The following PDE6D variants were observed in gnomAD, a reference collection of about 807,000 sequenced individuals.
PDE6D encodes the protein retinal rod rhodopsin-sensitive cGMP 3',5'-cyclic phosphodiesterase subunit delta.
In PDE6D, 10 loss-of-function variants were observed where a neutral mutation model predicts 21.9. The observed-to-expected ratio is 0.46, with a 90% confidence interval of 0.28 to 0.78. The LOEUF (loss-of-function observed/expected upper bound fraction) is 0.78. Ranked by LOEUF, PDE6D falls within the 30% of genes least tolerant of loss-of-function variation. PDE6D has a pLI of 0.12. For missense variants in PDE6D, 139 were observed against 184.8 expected, an observed-to-expected ratio of 0.75 and a Z score of 1.44; for synonymous variants, 59 against 63.5, an observed-to-expected ratio of 0.93 and a Z score of 0.34.
rs934767489 is a variant in PDE6D, at chr2:231,781,179, G to A, written c.-65C>T. The A allele has an allele frequency of 4.0e-5, 62 of 1,534,312 alleles. No individual in the cohort carries two copies. The highest frequency in any genetic ancestry group is 1.7e-4 in the Middle Eastern group (1 of 5,924). ...GGCGGAGCCTCGCAGACGGTGCCCA[G>A]GAGCCGAGGATGGAGCCGCAGCCCG... On this transcript the variant is annotated 5_prime_UTR_variant, in exon 1 of 5. Coordinates refer to ENST00000287600, the MANE Select transcript of PDE6D (RefSeq NM_002601.4).
At position 231,780,978 on chromosome 2, in the gene PDE6D, T is replaced by C; in HGVS notation, c.50+87A>G. The C allele has an allele frequency of 1.0e-5, 12 of 1,202,604 alleles. 1 individual carries two copies. The highest frequency in any genetic ancestry group is 1.3e-5 in the Non-Finnish European group (11 of 820,370). The allele number at this position is 1,202,604 out of a possible 1,614,324, so 74.5% of individuals were successfully genotyped here. A position where few individuals can be genotyped will look rare whatever the true frequency, so the allele number is the denominator to read the frequency against. ...CGGCCCTTCTTCTGTGGGGCCCACC[T>C]GGCGCGGCCCCCGCCCCCGGCCAGT... is the stretch of plus-strand genomic sequence containing the variant. On this transcript the variant is annotated intron_variant, in intron 1 of 4. Coordinates refer to ENST00000287600, the MANE Select transcript of PDE6D (RefSeq NM_002601.4).
intron 1 of PDE6D, among the ~76,000 whole-genome samples, chr2:231,750,385 T>C (rs1285645939): frequency 6.6e-6 from 1 of 152,090 alleles, no homozygotes; most frequent in Non-Finnish European, 1.5e-5. Flanking sequence ...ACAGGTGGTA[T>C]AGAGGGGGAC....
intron 1 of PDE6D, among the ~76,000 whole-genome samples, chr2:231,752,449 T>G (rs988079679): frequency 1.3e-5 from 2 of 152,216 alleles, no homozygotes; most frequent in Non-Finnish European, 2.9e-5. Context: ...TATAAGCAAG[T>G]GTAGGACATT....
At chr2:231,743,596 C>A (rs995000564) in intron 1 of PDE6D, among the ~76,000 whole-genome samples, 3 of 152,062 alleles carry the variant, frequency 2.0e-5, no homozygotes, top group African/African-American at 7.2e-5. Flanking sequence ...GTGTCATTCT[C>A]CCCTCAGGGT....
At chr2:231,780,990 C>A (rs2049116198) in intron 1 of PDE6D, 75 bp downstream of exon 1, 3 of 1,341,920 alleles carry the variant, frequency 2.2e-6, no homozygotes, top group East Asian at 2.4e-5. Flanking sequence ...GCGCGGCCCC[C>A]GCCCCCGGCC....
intron 1 of PDE6D, among the ~76,000 whole-genome samples, chr2:231,748,804 G>A (rs1479978205): frequency 1.3e-5 from 2 of 152,186 alleles, no homozygotes; most frequent in South Asian, 2.1e-4. Context: ...TGTACAGCTC[G>A]GGCTGTGGCT....
chr2:231,764,331 C>T (rs1012664052), intron 1 of PDE6D, among the ~76,000 whole-genome samples: 6 of 152,116 alleles, frequency 3.9e-5, no homozygotes, highest in Non-Finnish European at 7.4e-5. Context: ...GGCAAGATTG[C>T]ACCACTGCAC....
intron 1 of PDE6D, among the ~76,000 whole-genome samples, chr2:231,774,470 C>T (rs1365518931): frequency 6.6e-6 from 1 of 152,182 alleles, no homozygotes; most frequent in African/African-American, 2.4e-5. Flanking sequence ...GTGCTATATA[C>T]TCTACTGCAG....
intron 1 of PDE6D, among the ~76,000 whole-genome samples, chr2:231,750,108 C>G (rs1215965735): frequency 6.6e-6 from 1 of 152,066 alleles, no homozygotes; most frequent in Non-Finnish European, 1.5e-5. Context: ...ATAAGTCTCA[C>G]GAGATTTGAT....
At chr2:231,764,822 TTATC>T (rs2048957280) in intron 1 of PDE6D, among the ~76,000 whole-genome samples, 1 of 152,246 alleles carries the variant, frequency 6.6e-6, no homozygotes, top group South Asian at 2.1e-4. Context: ...ACTATATTAT[TTATC>T]TTTCTCTTCT....
rs75175390 is a variant in PDE6D, at chr2:231,739,701, G to A, written c.51-513C>T. On this transcript the variant is annotated intron_variant, in intron 1 of 4. Coordinates refer to ENST00000287600, the MANE Select transcript of PDE6D (RefSeq NM_002601.4). The surrounding 1 kb of genome is among the most constrained non-coding windows in gnomAD (Gnocchi z 4.2). ...GGCTGGAATGCAGTGGCACAATCTCGGCTCACTACAACCTTCATCTCCTTG... is the reference window on the plus strand; with the variant it reads ...GGCTGGAATGCAGTGGCACAATCTCAGCTCACTACAACCTTCATCTCCTTG... Among the ~76,000 whole-genome samples, 1,946 of 151,162 alleles carry A rather than the reference G, an allele frequency of 0.013. 43 individuals are homozygous for A. The highest frequency in any genetic ancestry group is 0.045 in the African/African-American group (1,835 of 41,126).
At position 231,739,370 on chromosome 2, in the gene PDE6D, C is replaced by G. The variant is rs1472603777; in HGVS notation, c.51-182G>C. On this transcript the variant is annotated intron_variant, in intron 1 of 4. Transcript: ENST00000287600. This position sits in a 1 kb window ranked among gnomAD's most constrained non-coding sequence, Gnocchi z 4.2. Reference sequence around the variant, plus strand: ...TCAAAAAGACATCTAAAGGAAGAAGCAGAAACCTAGAGAAGTTACTTTTAT... The same window carrying G: ...TCAAAAAGACATCTAAAGGAAGAAGGAGAAACCTAGAGAAGTTACTTTTAT... 2.8e-6 allele frequency: 2 copies of G among 724,610 alleles called. No homozygotes were observed. Among genetic ancestry groups the G allele is most frequent in the African/African-American group, 3.5e-5 (2 of 57,966 alleles). The allele number at this position is 724,610 out of a possible 1,614,324, so 44.9% of individuals were successfully genotyped here.
chr2:231,757,363 T>C (rs1360687460), intron 1 of PDE6D, among the ~76,000 whole-genome samples: 2 of 152,218 alleles, frequency 1.3e-5, no homozygotes, highest in African/African-American at 4.8e-5. Flanking sequence ...AATGGCACGA[T>C]CTCGGCTCAC....
chr2:231,749,927 T>G (rs1022934144), intron 1 of PDE6D, among the ~76,000 whole-genome samples: 9 of 152,062 alleles, frequency 5.9e-5, no homozygotes, highest in Non-Finnish European at 1.2e-4. Context: ...GGTTTTGAAG[T>G]GTGAGGACAC....
chr2:231,733,133 T>A (rs2048665729), intron 4 of PDE6D, 100 bp from the exon 5 acceptor site: 2 of 795,114 alleles, frequency 2.5e-6, no homozygotes, highest in Non-Finnish European at 2.2e-6. Context: ...CCTGGGCCAA[T>A]GGACATGCAC....
rs12620711 is a variant in PDE6D, at chr2:231,739,080, G to C, written c.139+20C>G. ...CTGGCATTGGTCACAGCCCTGTGTA[G>C]ATAAAGGGTTGGAAAGTACCTTCAT... On this transcript the variant is annotated intron_variant, in intron 2 of 4. Transcript: ENST00000287600. This position sits in a 1 kb window ranked among gnomAD's most constrained non-coding sequence, Gnocchi z 4.2. 5.2e-6 allele frequency: 8 copies of C among 1,535,810 alleles called. No individual in the cohort carries two copies. In the African/African-American group the frequency reaches 6.8e-5, roughly 13 times the overall value.
chr2:231,776,257 G>A (rs951041879), intron 1 of PDE6D, among the ~76,000 whole-genome samples: 15 of 145,274 alleles, frequency 1.0e-4, no homozygotes, highest in African/African-American at 3.3e-4. Flanking sequence ...GGAGGTAGAG[G>A]TTGCAGTGAG....
intron 3 of PDE6D, chr2:231,737,524 A>T (rs1376219712): frequency 2.2e-6 from 1 of 448,950 alleles, no homozygotes; most frequent in Non-Finnish European, 4.0e-6. Context: ...GACTAGGACC[A>T]GCGAGCAGGA....
At chr2:231,746,671 T>C (rs1442681564) in intron 1 of PDE6D, among the ~76,000 whole-genome samples, 3 of 151,678 alleles carry the variant, frequency 2.0e-5, no homozygotes, top group Non-Finnish European at 2.9e-5. Flanking sequence ...CACCGGCCAG[T>C]TGAAGGAGGA....
Sources: gnomAD v4.1 joint callset for allele counts (sites outside exome capture counted in the v4.1 genomes callset) on GRCh38, gnomAD v4.1.1 for gene constraint, Gnocchi (gnomAD v3.1) non-coding constraint, MANE v1.5 for transcripts, NCBI Gene and HGNC (gene_info 2026-07-23, HGNC 2026-07-21) for gene names.